Variants in B4GALT2 observed in about 807,000 individuals in gnomAD.
B4GALT2 encodes the protein beta-1,4-galactosyltransferase 2.
A neutral mutation model predicts 33.2 loss-of-function variants in B4GALT2; 18 were observed. That is an observed-to-expected ratio of 0.54 (90% CI 0.38 to 0.80). The LOEUF (loss-of-function observed/expected upper bound fraction) is 0.80. Ranked by LOEUF, B4GALT2 falls within the 30% of genes least tolerant of loss-of-function variation. The probability of loss-of-function intolerance (pLI) is 0.00; values close to 1 mark genes in which losing one functional copy is unlikely to be tolerated. For missense variants in B4GALT2, 404 were observed against 526.2 expected (o/e 0.77, Z 2.27); for synonymous variants, 214 against 217.6 (o/e 0.98, Z 0.15).
In B4GALT2 at chr1:43,979,987, G is replaced by A; in HGVS notation, c.-53+476G>A. 2 of 1,527,732 alleles carry A rather than the reference G, an allele frequency of 1.3e-6. No homozygotes were observed. The highest frequency in any genetic ancestry group is 1.8e-6 in the Non-Finnish European group (2 of 1,142,784). The allele number at this position is 1,527,732 out of a possible 1,614,324, so 94.6% of individuals were successfully genotyped here. ...GGAATGTCTGCACGTGGGTCTGGGT[G>A]TGAGCTGTCTGAGAGTCTGGATGTA... On this transcript the variant is annotated intron_variant, in intron 1 of 6. Coordinates refer to ENST00000372324, the MANE Select transcript of B4GALT2 (RefSeq NM_003780.5). The surrounding 1 kb of genome is among the most constrained non-coding windows in gnomAD (Gnocchi z 4.8).
Position 43,981,725 on chromosome 1 carries a change from C to T in B4GALT2, c.350C>T (p.Pro117Leu). 6.2e-7 allele frequency: 1 copy of T among 1,613,114 alleles called. No homozygotes were observed. The highest frequency in any genetic ancestry group is 8.5e-7 in the Non-Finnish European group (1 of 1,179,900). Reference sequence around the variant, plus strand: ...CTGATCGAGTTCACCTCACCCATGCCCCTGGAGCGGGTGCAGAGGGAGAAC... The same window carrying T: ...CTGATCGAGTTCACCTCACCCATGCTCCTGGAGCGGGTGCAGAGGGAGAAC... ...RLLIEFTSPM[P>L]LERVQRENPG... The change falls in exon 3 of 7, where the codon CCC becomes CTC. Residue 117 changes from proline (P) to leucine (L), a missense_variant. Pro to Leu is a moderately conservative substitution (Grantham distance 98, BLOSUM62 -3). Transcript: ENST00000372324. The surrounding 1 kb of genome is among the most constrained non-coding windows in gnomAD (Gnocchi z 8.1).
intron 6 of B4GALT2, chr1:43,986,043 G>T (rs1043927872): frequency 9.4e-6 from 2 of 213,490 alleles, no homozygotes; most frequent in Non-Finnish European, 1.9e-5. Flanking sequence ...CTGACAAAGG[G>T]GACCTGAGCA....
In B4GALT2 at chr1:43,981,967, G is replaced by T; in HGVS notation, c.549+43G>T. On this transcript the variant is annotated intron_variant, in intron 3 of 6. Transcript: ENST00000372324. This position sits in a 1 kb window ranked among gnomAD's most constrained non-coding sequence, Gnocchi z 8.1. ...CATGTGCCTGTTGGTGTATATATGTGGGTTGGGGGCGTTTGTGGGTCCTTG... is the reference window on the plus strand; with the variant it reads ...CATGTGCCTGTTGGTGTATATATGTTGGTTGGGGGCGTTTGTGGGTCCTTG... 6.3e-7 allele frequency: 1 copy of T among 1,589,422 alleles called. No individual in the cohort carries two copies. The highest frequency in any genetic ancestry group is 8.6e-7 in the Non-Finnish European group (1 of 1,161,604).
Position 43,981,932 on chromosome 1 carries a change from T to C in B4GALT2, c.549+8T>C, listed in dbSNP as rs567335453. ...GTCTATGTCATCAACCAGGTGCCCA[T>C]GCGGGGGTCCATGTGCCTGTTGGTG... On this transcript the variant is annotated splice_region_variant and intron_variant, in intron 3 of 6. Transcript: ENST00000372324. The surrounding 1 kb of genome is among the most constrained non-coding windows in gnomAD (Gnocchi z 8.1). 1.1e-5 allele frequency: 17 copies of C among 1,612,886 alleles called. No homozygotes were observed. The East Asian group carries it at 3.3e-4, about 32-fold the overall frequency.
At chr1:43,990,212 G>T in intron 6 of B4GALT2, 86 bp from the exon 7 acceptor site, 1 of 1,540,974 alleles carries the variant, frequency 6.5e-7, no homozygotes, top group Non-Finnish European at 8.9e-7. Flanking sequence ...CCAAAAGGGG[G>T]TCCATTTAGT....
chr1:43,981,618 G>C lies in B4GALT2; in HGVS notation c.314-71G>C. ...CTTGGGGTTCCCTAGCCCACCCCCA[G>C]GCTGAGGGTGGGGGCTGGTATCTGT... On this transcript the variant is annotated intron_variant, in intron 2 of 6. Transcript: ENST00000372324. This position sits in a 1 kb window ranked among gnomAD's most constrained non-coding sequence, Gnocchi z 8.1. 1.3e-6 allele frequency: 2 copies of C among 1,546,298 alleles called. No individual in the cohort carries two copies. The highest frequency in any genetic ancestry group is 2.5e-5 in the South Asian group (2 of 80,740).
At chr1:43,980,094 CTG>C (rs1491563639) in intron 1 of B4GALT2, 3 of 1,440,598 alleles carry the variant, frequency 2.1e-6, no homozygotes, top group Non-Finnish European at 1.8e-6. Context: ...GTGTCTGTGA[CTG>C]TAGTTCTCTG....
chr1:43,985,763 C>T (rs2085652296), intron 6 of B4GALT2, 142 bp downstream of exon 6: 5 of 734,980 alleles, frequency 6.8e-6, no homozygotes, highest in Admixed American at 2.2e-5. Context: ...CTCCCAGTGC[C>T]ACTGATTCCC....
rs753886330 is a variant in B4GALT2 at position 43,981,886 on chromosome 1, C to T, written c.511C>T (p.Arg171Trp). 17 of 1,613,782 alleles carry T rather than the reference C, an allele frequency of 1.1e-5. No homozygotes were observed. The highest frequency in any genetic ancestry group is 1.3e-5 in the African/African-American group (1 of 74,942). ...CCACTATCTACACCCCATCTTGAGGCGGCAGCGGCTGCGCTACGGCGTCTA... is the reference window on the plus strand; with the variant it reads ...CCACTATCTACACCCCATCTTGAGGTGGCAGCGGCTGCGCTACGGCGTCTA... ...WLHYLHPILR[R>W]QRLRYGVYVI... is the part of the protein sequence containing the mutation. The change falls in exon 3 of 7, where the codon CGG becomes TGG. Residue 171 changes from arginine (R) to tryptophan (W), a missense_variant. Arg to Trp is a moderately radical substitution (Grantham distance 101, BLOSUM62 -3). Coordinates refer to ENST00000372324, the MANE Select transcript of B4GALT2 (RefSeq NM_003780.5). This position sits in a 1 kb window ranked among gnomAD's most constrained non-coding sequence, Gnocchi z 8.1.
chr1:43,989,346 G>A (rs1284851274), intron 6 of B4GALT2, among the ~76,000 whole-genome samples: 1 of 131,612 alleles, frequency 7.6e-6, no homozygotes, highest in African/African-American at 2.6e-5. Context: ...AAAATCACTA[G>A]ATCAATAAAT....
At chr1:43,990,186 C>T in intron 6 of B4GALT2, 112 bp from the exon 7 acceptor site, 1 of 1,378,808 alleles carries the variant, frequency 7.3e-7, no homozygotes, top group Non-Finnish European at 1.0e-6. Context: ...TTTAAGGTTC[C>T]CTGGGGTCCC....
chr1:43,987,710 T>TTG (rs1317467920), intron 6 of B4GALT2, among the ~76,000 whole-genome samples: 1 of 152,178 alleles, frequency 6.6e-6, no homozygotes, highest in Non-Finnish European at 1.5e-5. Context: ...TCTCAGAGCC[T>TTG]TTACACATTT....
Position 43,981,183 on chromosome 1 carries a change from C to T in B4GALT2, c.23C>T (p.Thr8Met), listed in dbSNP as rs567524191. MSRLLGG[T>M]LERVCKAVLL... The stretch of plus-strand genomic sequence containing the variant: ...GGGATGAGCAGACTGCTGGGGGGGA[C>T]GCTGGAGCGCGTCTGCAAGGCTGTG... Residue 8 changes from threonine (T) to methionine (M), a missense_variant, in exon 2 of 7, where the codon ACG becomes ATG. Coordinates refer to ENST00000372324, the MANE Select transcript of B4GALT2 (RefSeq NM_003780.5). This position sits in a 1 kb window ranked among gnomAD's most constrained non-coding sequence, Gnocchi z 8.1. The T allele has an allele frequency of 2.6e-5, 41 of 1,600,326 alleles. No homozygotes were observed. Among genetic ancestry groups the T allele is most frequent in the Admixed American group, 3.3e-5 (2 of 59,996 alleles).
In B4GALT2 at chr1:43,979,909, C is replaced by T; in HGVS notation, c.-53+398C>T. The stretch of plus-strand genomic sequence containing the variant: ...GCCTGCCAGCCCCGCCCAAACGCAC[C>T]CCTCAGCCTGGCCGCCAGCCTGACC... On this transcript the variant is annotated intron_variant, in intron 1 of 6. Coordinates refer to ENST00000372324, the MANE Select transcript of B4GALT2 (RefSeq NM_003780.5). The surrounding 1 kb of genome is among the most constrained non-coding windows in gnomAD (Gnocchi z 4.8). 4 of 1,369,640 alleles carry T rather than the reference C, an allele frequency of 2.9e-6. No homozygotes were observed. The highest frequency in any genetic ancestry group is 1.3e-5 in the South Asian group (1 of 77,032). The allele number at this position is 1,369,640 out of a possible 1,614,324, so 84.8% of individuals were successfully genotyped here.
At position 43,980,912 on chromosome 1, in the gene B4GALT2, G is replaced by A. The variant is rs115144852; in HGVS notation, c.-52-197G>A. 7.7e-3 allele frequency among the ~76,000 whole-genome samples: 1,173 copies of A among 152,298 alleles called. 7 individuals are homozygous for A. The highest frequency in any genetic ancestry group is 0.012 in the Non-Finnish European group (822 of 68,012). ...TTAGTAGTGGGGTGTGCTTGAGGATGTGAGTACTGAGTTGCCGGGAACTGT... is the reference window on the plus strand; with the variant it reads ...TTAGTAGTGGGGTGTGCTTGAGGATATGAGTACTGAGTTGCCGGGAACTGT... On this transcript the variant is annotated intron_variant, in intron 1 of 6. Transcript: ENST00000372324.
intron 6 of B4GALT2, among the ~76,000 whole-genome samples, chr1:43,988,316 G>C (rs1202618067): frequency 1.4e-5 from 2 of 145,122 alleles, no homozygotes; most frequent in African/African-American, 5.2e-5. Flanking sequence ...CTCGAGACCA[G>C]CCTGGCCGAC....
chr1:43,981,397 C>T lies in B4GALT2; in HGVS notation c.237C>T (p.Leu79=). ...ACGCCACCGCCTCTAGCTCCGGGCT[C>T]CCTGAGGTCCCCAGTGCCCTGCCCG... ...RPNATASSSG[L]PEVPSALPGP... is the part of the protein sequence containing the mutation. Residue 79 remains leucine (L), a synonymous_variant, in exon 2 of 7, where the codon CTC becomes CTT. Transcript: ENST00000372324. The surrounding 1 kb of genome is among the most constrained non-coding windows in gnomAD (Gnocchi z 8.1). 6.3e-7 allele frequency: 1 copy of T among 1,598,600 alleles called. No homozygotes were observed. Among genetic ancestry groups the T allele is most frequent in the South Asian group, 1.1e-5 (1 of 91,034 alleles).
At position 43,979,789 on chromosome 1, in the gene B4GALT2, G is replaced by T; in HGVS notation, c.-53+278G>T. On this transcript the variant is annotated intron_variant, in intron 1 of 6. Transcript: ENST00000372324. This position sits in a 1 kb window ranked among gnomAD's most constrained non-coding sequence, Gnocchi z 4.8. ...CCATACACGTTTCCCCTTGGCCTTT[G>T]CCTCATCCGCTGCCCTCCACCCACT... The T allele has an allele frequency of 1.9e-6, 1 of 534,962 alleles. No homozygotes were observed. Among genetic ancestry groups the T allele is most frequent in the Non-Finnish European group, 3.3e-6 (1 of 300,428 alleles). The allele number at this position is 534,962 out of a possible 1,614,324, so 33.1% of individuals were successfully genotyped here. A position where few individuals can be genotyped will look rare whatever the true frequency, so the allele number is the denominator to read the frequency against.
chr1:43,985,443 AGG>A (rs61096284), intron 5 of B4GALT2, 43 bp downstream of exon 5: 2 of 403,484 alleles, frequency 5.0e-6, no homozygotes, highest in South Asian at 2.9e-5. Flanking sequence ...TGGGGGGGGG[AGG>A]GGGGGTGCAG....
Sources: gnomAD v4.1 joint callset for allele counts (sites outside exome capture counted in the v4.1 genomes callset) on GRCh38, gnomAD v4.1.1 for gene constraint, Gnocchi (gnomAD v3.1) non-coding constraint, MANE v1.5 for transcripts, NCBI Gene and HGNC (gene_info 2026-07-23, HGNC 2026-07-21) for gene names.